Variants in CDADC1 observed in about 807,000 individuals in gnomAD.
CDADC1 encodes cytidine and dCMP deaminase domain containing 1.
Under a neutral mutation model 54.9 loss-of-function variants are expected in CDADC1, and 39 were observed. The ratio of observed to expected loss-of-function variants is 0.71; its 90% confidence interval spans 0.55 to 0.93. The LOEUF is 0.93. Ranked by LOEUF, CDADC1 falls within the 40% of genes least tolerant of loss-of-function variation. The probability of loss-of-function intolerance (pLI) is 0.00; values close to 1 mark genes in which losing one functional copy is unlikely to be tolerated. For missense variants in CDADC1, 518 were observed against 618.8 expected, an observed-to-expected ratio of 0.84 and a Z score of 1.73; for synonymous variants, 186 against 204.0, an observed-to-expected ratio of 0.91 and a Z score of 0.75.
At chr13:49,274,408 G>T (rs1953046636) in intron 6 of CDADC1, 68 bp downstream of exon 6, 1 of 1,272,872 alleles carries the variant, frequency 7.9e-7, no homozygotes, top group African/African-American at 1.5e-5. Context: ...AGTCTTCGGT[G>T]CATTACAGGT....
chr13:49,270,510 G>GC lies in CDADC1; in HGVS notation c.1000+2454dup, dbSNP rs1376113841. Among the ~76,000 whole-genome samples the GC allele has an allele frequency of 2.0e-5, 3 of 152,292 alleles. No individual in the cohort carries two copies. In the East Asian group the frequency reaches 5.8e-4, roughly 29 times the overall value. On this transcript the variant is annotated intron_variant, in intron 5 of 9. Transcript: ENST00000251108. ...TGGGATTACAGGCATGAGCCATCAT[G>GC]CCCAATCCAGATTTTAAAAAGGTAA...
chr13:49,269,090 A>C (rs1030996132), intron 5 of CDADC1, among the ~76,000 whole-genome samples: 3 of 152,174 alleles, frequency 2.0e-5, no homozygotes, highest in Admixed American at 2.0e-4. Flanking sequence ...GTAGAGTAAG[A>C]TTTGTTTGGG....
intron 2 of CDADC1, among the ~76,000 whole-genome samples, chr13:49,252,996 G>T (rs1387320415): frequency 6.6e-6 from 1 of 152,000 alleles, no homozygotes; most frequent in Non-Finnish European, 1.5e-5. Flanking sequence ...ATTTGCACAT[G>T]GTATTCTTAG....
chr13:49,281,737 C>CACAA (rs748136739), intron 8 of CDADC1, among the ~76,000 whole-genome samples: 1 of 152,172 alleles, frequency 6.6e-6, no homozygotes, highest in African/African-American at 2.4e-5. Flanking sequence ...GGTGCACACA[C>CACAA]ACAAACACAC....
chr13:49,292,512 T>C lies in CDADC1; in HGVS notation c.*755T>C, dbSNP rs1953741336. Reference sequence around the variant, plus strand: ...GAGTCTGGAATATTGAAACTAGCTTTCCTAGAATTCCATTAATAAATGCTG... The same window carrying C: ...GAGTCTGGAATATTGAAACTAGCTTCCCTAGAATTCCATTAATAAATGCTG... On this transcript the variant is annotated 3_prime_UTR_variant, in exon 10 of 10. Coordinates refer to ENST00000251108, the MANE Select transcript of CDADC1 (RefSeq NM_030911.4). 3.9e-6 allele frequency: 4 copies of C among 1,033,512 alleles called. No individual in the cohort carries two copies. The highest frequency in any genetic ancestry group is 3.4e-5 in the South Asian group (1 of 29,148). The allele number at this position is 1,033,512 out of a possible 1,614,324, so 64.0% of individuals were successfully genotyped here.
At chr13:49,286,643 T>C (rs1453366399) in intron 9 of CDADC1, among the ~76,000 whole-genome samples, 1 of 152,232 alleles carries the variant, frequency 6.6e-6, no homozygotes, top group Non-Finnish European at 1.5e-5. Context: ...ACAGATGGAT[T>C]GGGACCAAAT....
chr13:49,278,997 T>C (rs181708538), intron 7 of CDADC1, among the ~76,000 whole-genome samples: 80 of 152,318 alleles, frequency 5.3e-4, no homozygotes, highest in Admixed American at 1.2e-3. Flanking sequence ...ACGTTACCTT[T>C]TTTATGTTCA....
intron 1 of CDADC1, 36 bp downstream of exon 1, chr13:49,248,155 T>G: frequency 6.6e-7 from 1 of 1,506,708 alleles, no homozygotes; most frequent in Non-Finnish European, 9.0e-7. Context: ...CCACCCTACC[T>G]TTCGCTCTGC....
At chr13:49,285,841 G>C (rs1953499012) in intron 8 of CDADC1, among the ~76,000 whole-genome samples, 1 of 149,126 alleles carries the variant, frequency 6.7e-6, no homozygotes, top group Non-Finnish European at 1.5e-5. Flanking sequence ...CAAGATGGAG[G>C]CTTGCTCTGT....
chr13:49,262,071 T>C (rs143158622), intron 4 of CDADC1, among the ~76,000 whole-genome samples: 78 of 152,302 alleles, frequency 5.1e-4, no homozygotes, highest in African/African-American at 1.8e-3. Flanking sequence ...AAGGCAAAGA[T>C]TGTTGTAGCA....
In CDADC1 at chr13:49,278,400, T is replaced by A; in HGVS notation, c.1101T>A (p.Asn367Lys). ...TGTACTTTGTAGGATGTGGTTACAATGCTTTTCCTGTTGGATCTGAGTATG... is the reference window on the plus strand; with the variant it reads ...TGTACTTTGTAGGATGTGGTTACAAAGCTTTTCCTGTTGGATCTGAGTATG... ...GAMYFVGCGYNAFPVGSEYAD... is the reference protein window; with the variant it reads ...GAMYFVGCGYKAFPVGSEYAD... The change falls in exon 7 of 10, where the codon AAT (asparagine) becomes AAA (lysine). Residue 367 changes from asparagine (N) to lysine (K), a missense_variant. Asn to Lys is a moderately conservative substitution (Grantham distance 94, BLOSUM62 0). Coordinates refer to ENST00000251108, the MANE Select transcript of CDADC1 (RefSeq NM_030911.4). The A allele has an allele frequency of 1.2e-6, 2 of 1,602,920 alleles. No homozygotes were observed. The highest frequency in any genetic ancestry group is 1.7e-6 in the Non-Finnish European group (2 of 1,171,662).
In CDADC1 at chr13:49,291,843, T is replaced by C. The variant is rs186902156; in HGVS notation, c.*86T>C. The C allele has an allele frequency of 2.8e-5, 43 of 1,513,906 alleles. No homozygotes were observed. In the Admixed American group the frequency reaches 3.3e-4, roughly 12 times the overall value. The allele number at this position is 1,513,906 out of a possible 1,614,324, so 93.8% of individuals were successfully genotyped here. On this transcript the variant is annotated 3_prime_UTR_variant, in exon 10 of 10. Coordinates refer to ENST00000251108, the MANE Select transcript of CDADC1 (RefSeq NM_030911.4). ...GCCTTGTTCATTCAGAAAATAAGGA[T>C]GGATTTTGTGAATAATTGAAAAGAT... is the stretch of plus-strand genomic sequence containing the variant.
chr13:49,276,760 T>C (rs1417208451), intron 6 of CDADC1, among the ~76,000 whole-genome samples: 2 of 152,228 alleles, frequency 1.3e-5, no homozygotes, highest in South Asian at 2.1e-4. Context: ...TAAAGTTATC[T>C]GTTCAATTTC....
intron 5 of CDADC1, among the ~76,000 whole-genome samples, chr13:49,268,399 G>A (rs958001602): frequency 3.3e-5 from 5 of 152,178 alleles, no homozygotes; most frequent in African/African-American, 7.2e-5. Context: ...AGTGGTTCAT[G>A]CCTGTAATTG....
intron 4 of CDADC1, among the ~76,000 whole-genome samples, chr13:49,261,380 AAGT>A (rs1399596591): frequency 6.6e-6 from 1 of 152,184 alleles, no homozygotes; most frequent in African/African-American, 2.4e-5. Flanking sequence ...ATAGGTATGA[AAGT>A]GGTGGTGGCA....
In CDADC1 at chr13:49,257,681, G is replaced by A. The variant is rs566698768; in HGVS notation, c.253-1665G>A. Among the ~76,000 whole-genome samples the A allele has an allele frequency of 6.6e-5, 10 of 152,354 alleles. No homozygotes were observed. In the South Asian group the frequency reaches 2.1e-3, roughly 32 times the overall value. Reference sequence around the variant, plus strand: ...ACGGGCTGAGGCAGGAGAATGGCATGAACCCGGGAGGCGGAGCTTGCAGTG... The same window carrying A: ...ACGGGCTGAGGCAGGAGAATGGCATAAACCCGGGAGGCGGAGCTTGCAGTG... On this transcript the variant is annotated intron_variant, in intron 3 of 9. Transcript: ENST00000251108.
At chr13:49,267,403 T>A (rs1952840083) in intron 4 of CDADC1, 87 bp from the exon 5 acceptor site, 1 of 1,060,104 alleles carries the variant, frequency 9.4e-7, no homozygotes, top group Middle Eastern at 2.5e-4. Flanking sequence ...GGGTTCTAGA[T>A]ATACTGCAAT....
chr13:49,286,126 T>C lies in CDADC1; in HGVS notation c.1411-96T>C, dbSNP rs137867882. The C allele has an allele frequency of 3.2e-4, 341 of 1,056,708 alleles. No individual in the cohort carries two copies. The African/African-American group carries it at 4.7e-3, about 15-fold the overall frequency. 65.5% of individuals were successfully genotyped at this position (1,056,708 alleles called of 1,614,324 possible). A position where few individuals can be genotyped will look rare whatever the true frequency, so the allele number is the denominator to read the frequency against. ...ACTATGCCCAGCCATTTTTCTTCCATTTTTAAGAAGTTGTTTTGATATTTA... is the reference window on the plus strand; with the variant it reads ...ACTATGCCCAGCCATTTTTCTTCCACTTTTAAGAAGTTGTTTTGATATTTA... On this transcript the variant is annotated intron_variant, in intron 8 of 9. Coordinates refer to ENST00000251108, the MANE Select transcript of CDADC1 (RefSeq NM_030911.4).
At chr13:49,263,440 A>G (rs1952734324) in intron 4 of CDADC1, among the ~76,000 whole-genome samples, 1 of 152,206 alleles carries the variant, frequency 6.6e-6, no homozygotes, top group Admixed American at 6.5e-5. Context: ...AAAATCATGC[A>G]TGAGTAAAAG....
Sources: allele counts gnomAD v4.1 joint callset (sites outside exome capture counted in the v4.1 genomes callset), GRCh38; gene constraint gnomAD v4.1.1; transcripts MANE v1.5; gene names NCBI Gene and HGNC (gene_info 2026-07-23, HGNC 2026-07-21).